ARHGAP10: variants seen among roughly 807,000 people sequenced by gnomAD.
ARHGAP10 encodes the protein Rho GTPase activating protein 10.
A neutral mutation model predicts 108.6 loss-of-function variants in ARHGAP10; 87 were observed. The ratio of observed to expected loss-of-function variants is 0.80; its 90% CI spans 0.67 to 0.96. ARHGAP10 has a LOEUF of 0.96. Among genes scored for constraint, ARHGAP10 ranks in the 40% least tolerant of loss-of-function variants. The pLI is 0.00. For synonymous variants in ARHGAP10, 347 were observed against 341.1 expected, an observed-to-expected ratio of 1.02 and a Z score of -0.19; for missense variants, 939 against 954.5, an observed-to-expected ratio of 0.98 and a Z score of 0.21.
chr4:147,745,135 A>G (rs1728855238), intron 1 of ARHGAP10, among the ~76,000 whole-genome samples: 1 of 152,062 alleles, frequency 6.6e-6, no homozygotes. Context: ...AGAGAGGTCA[A>G]GTAGCTTGAG....
chr4:147,955,443 A>C, intron 16 of ARHGAP10, 69 bp downstream of exon 16: 1 of 1,378,420 alleles, frequency 7.3e-7, no homozygotes, highest in South Asian at 1.3e-5. Flanking sequence ...AAAAATTTCC[A>C]TATGAAAAAT....
chr4:147,873,396 G>A (rs557523798), intron 7 of ARHGAP10, among the ~76,000 whole-genome samples: 1 of 152,042 alleles, frequency 6.6e-6, no homozygotes, highest in South Asian at 2.1e-4. Flanking sequence ...ATCCATACAT[G>A]TATGGCATGC....
chr4:147,872,712 T>C (rs1239689823), intron 7 of ARHGAP10, among the ~76,000 whole-genome samples: 1 of 152,164 alleles, frequency 6.6e-6, no homozygotes, highest in Non-Finnish European at 1.5e-5. Context: ...GAAAATGTTA[T>C]TACAAAAATC....
At chr4:147,791,998 G>A (rs74774738) in intron 1 of ARHGAP10, among the ~76,000 whole-genome samples, 369 of 152,288 alleles carry the variant, frequency 2.4e-3, no homozygotes, top group Non-Finnish European at 3.6e-3. Flanking sequence ...CTCCTGACGC[G>A]TGTATGATGT....
At chr4:147,863,736 A>G (rs1183598677) in intron 5 of ARHGAP10, 1 of 152,220 alleles carries the variant, frequency 6.6e-6, no homozygotes, top group Non-Finnish European at 1.5e-5. Context: ...GAAGCCACAA[A>G]AATATGATTT....
chr4:147,732,088 G>T lies in ARHGAP10; in HGVS notation c.-214G>T. ...GAGCTCGGCGGGGGCTGCCGGGATT[G>T]GGGCGCCGCAGCTAGCGCTGGTCTC... On this transcript the variant is annotated 5_prime_UTR_variant, in exon 1 of 23. Coordinates refer to ENST00000336498, the MANE Select transcript of ARHGAP10 (RefSeq NM_024605.4). 3.0e-6 allele frequency: 1 copy of T among 334,894 alleles called. No homozygotes were observed. Among genetic ancestry groups the T allele is most frequent in the Non-Finnish European group, 5.2e-6 (1 of 192,110 alleles). 20.7% of individuals were successfully genotyped at this position (334,894 alleles called of 1,614,324 possible).
chr4:147,984,536 G>T (rs1310428561), intron 18 of ARHGAP10, among the ~76,000 whole-genome samples: 1 of 152,230 alleles, frequency 6.6e-6, no homozygotes, highest in African/African-American at 2.4e-5. Context: ...CACACCAAGA[G>T]TTGGGTCTCC....
At chr4:147,870,018 G>T (rs1437009441) in intron 7 of ARHGAP10, among the ~76,000 whole-genome samples, 9 of 151,380 alleles carry the variant, frequency 5.9e-5, no homozygotes, top group South Asian at 2.1e-4. Context: ...GTGTGTGTGT[G>T]TGTGTGTGTG....
intron 18 of ARHGAP10, among the ~76,000 whole-genome samples, chr4:147,969,174 C>G (rs1458382986): frequency 6.6e-6 from 1 of 152,132 alleles, no homozygotes; most frequent in East Asian, 1.9e-4. Flanking sequence ...TTCTTGGGTA[C>G]TTGTTGCATT....
chr4:148,027,123 C>T (rs929108101), intron 19 of ARHGAP10, among the ~76,000 whole-genome samples: 1 of 152,068 alleles, frequency 6.6e-6, no homozygotes, highest in African/African-American at 2.4e-5. Context: ...TCTGGGGAGT[C>T]GGGGAGAAGA....
intron 19 of ARHGAP10, among the ~76,000 whole-genome samples, chr4:148,043,614 AATATATATATATATATATATAT>A (rs57931206): frequency 2.2e-4 from 12 of 54,996 alleles, no homozygotes; most frequent in South Asian, 1.5e-3. Flanking sequence ...CCCTCTCTCT[AATATATATATATATATATATAT>A]ATATATATAT....
intron 10 of ARHGAP10, among the ~76,000 whole-genome samples, chr4:147,896,954 C>G (rs936425440): frequency 2.0e-5 from 3 of 151,874 alleles, no homozygotes; most frequent in Non-Finnish European, 4.4e-5. Context: ...TCAGAGAAAA[C>G]AGTTTATAGT....
At chr4:148,021,973 TTGGTATATAATAG>T (rs2149662692) in intron 18 of ARHGAP10, among the ~76,000 whole-genome samples, 1 of 152,348 alleles carries the variant, frequency 6.6e-6, no homozygotes, top group South Asian at 2.1e-4. Flanking sequence ...CTTATTTTTA[TTGGTATATAATAG>T]TTTTTAGGTG....
chr4:147,840,245 TCTG>T (rs893790674), intron 3 of ARHGAP10, among the ~76,000 whole-genome samples: 20 of 152,210 alleles, frequency 1.3e-4, no homozygotes, highest in African/African-American at 4.8e-4. Context: ...GAAACCCAAA[TCTG>T]CTACTCTGCA....
intron 19 of ARHGAP10, among the ~76,000 whole-genome samples, chr4:148,029,497 C>A (rs1024770503): frequency 6.6e-6 from 1 of 152,182 alleles, no homozygotes; most frequent in Non-Finnish European, 1.5e-5. Context: ...GTGAGAAGGA[C>A]AACTGGAAAA....
intron 1 of ARHGAP10, among the ~76,000 whole-genome samples, chr4:147,772,775 C>G (rs979365712): frequency 1.3e-5 from 2 of 152,010 alleles, no homozygotes; most frequent in African/African-American, 2.4e-5. Flanking sequence ...GGGAAGCTTC[C>G]TGGAGCATTC....
chr4:147,837,643 G>GTTTTTTT lies in ARHGAP10; in HGVS notation c.313-9495_313-9489dup, dbSNP rs59933316. Among the ~76,000 whole-genome samples the GTTTTTTT allele has an allele frequency of 3.8e-3, 269 of 70,214 alleles. 12 individuals are homozygous for GTTTTTTT. Among genetic ancestry groups the GTTTTTTT allele is most frequent in the South Asian group, 0.01 (14 of 1,342 alleles). 46.1% of individuals were successfully genotyped at this position (70,214 alleles called of 152,430 possible). A position where few individuals can be genotyped will look rare whatever the true frequency, so the allele number is the denominator to read the frequency against. On this transcript the variant is annotated intron_variant, in intron 3 of 22. Transcript: ENST00000336498. ...CACCTCGCTAGAATCTCTGGTCACT[G>GTTTTTTT]TTTTTTTTTTTTTTTTTTTAAAGCA...
At chr4:147,788,768 C>CT (rs1163817882) in intron 1 of ARHGAP10, among the ~76,000 whole-genome samples, 2 of 152,104 alleles carry the variant, frequency 1.3e-5, no homozygotes, top group African/African-American at 4.8e-5. Flanking sequence ...GCTGAGAGCT[C>CT]TAATTATCAG....
At chr4:147,852,191 A>G (rs1023642084) in intron 4 of ARHGAP10, among the ~76,000 whole-genome samples, 2 of 152,190 alleles carry the variant, frequency 1.3e-5, no homozygotes, top group Admixed American at 1.3e-4. Context: ...TTCTGGGTTT[A>G]GGGGTGACAA....
Sources: gnomAD v4.1 joint callset for allele counts (sites outside exome capture counted in the v4.1 genomes callset) on GRCh38, gnomAD v4.1.1 for gene constraint, MANE v1.5 for transcripts, NCBI Gene and HGNC (gene_info 2026-07-23, HGNC 2026-07-21) for gene names.